ATG4C: variants seen among roughly 807,000 people sequenced by gnomAD.
The protein encoded by ATG4C is cysteine protease ATG4C.
Under a neutral mutation model 57.6 loss-of-function variants are expected in ATG4C, and 56 were observed. The observed-to-expected ratio is 0.97, with a 90% CI of 0.78 to 1.21. The LOEUF is 1.21. ATG4C is among the 50% of genes most tolerant of loss of function. The pLI, the probability that ATG4C is intolerant of heterozygous loss-of-function variation, is 0.00. For synonymous variants in ATG4C, 157 were observed against 174.1 expected (o/e 0.90, Z 0.78); for missense variants, 595 against 529.8 (o/e 1.12, Z -1.21).
chr1:62,795,084 T>C (rs1156607699), intron 1 of ATG4C, among the ~76,000 whole-genome samples: 1 of 152,238 alleles, frequency 6.6e-6, no homozygotes, highest in Non-Finnish European at 1.5e-5. Flanking sequence ...GGAAGATGCC[T>C]GAGCATTCGC....
chr1:62,800,202 A>G (rs1281241098), intron 1 of ATG4C, among the ~76,000 whole-genome samples: 1 of 152,136 alleles, frequency 6.6e-6, no homozygotes, highest in Non-Finnish European at 1.5e-5. Context: ...TCTTTCTTTC[A>G]GACTTAGAAA....
At chr1:62,853,238 T>C (rs1666573905) in intron 10 of ATG4C, among the ~76,000 whole-genome samples, 1 of 152,166 alleles carries the variant, frequency 6.6e-6, no homozygotes, top group African/African-American at 2.4e-5. Context: ...ATTTTTTTTT[T>C]CTCTGAGAGC....
chr1:62,810,154 C>G (rs926512123), intron 3 of ATG4C, among the ~76,000 whole-genome samples: 1 of 152,116 alleles, frequency 6.6e-6, no homozygotes, highest in African/African-American at 2.4e-5. Context: ...CAAGTATTCA[C>G]AAGAAGAGGA....
chr1:62,827,869 C>A (rs1344793877), intron 6 of ATG4C, among the ~76,000 whole-genome samples: 1 of 152,100 alleles, frequency 6.6e-6, no homozygotes, highest in African/African-American at 2.4e-5. Flanking sequence ...TTCATGAGTT[C>A]TAATCATTTA....
intron 10 of ATG4C, among the ~76,000 whole-genome samples, chr1:62,850,848 A>ATGTGTGTGTGTG (rs1318478422): frequency 2.7e-5 from 1 of 37,672 alleles, no homozygotes; most frequent in African/African-American, 1.1e-4. Context: ...ATGTGTGTGT[A>ATGTGTGTGTGTG]TGTATGTATA....
intron 3 of ATG4C, among the ~76,000 whole-genome samples, chr1:62,806,922 GC>G (rs1245134396): frequency 6.6e-6 from 1 of 152,182 alleles, no homozygotes; most frequent in East Asian, 1.9e-4. Context: ...GGCTAGCTTT[GC>G]CTTCTACATG....
chr1:62,793,624 A>G (rs1363547724), intron 1 of ATG4C, among the ~76,000 whole-genome samples: 103 of 150,430 alleles, frequency 6.8e-4, no homozygotes, highest in African/African-American at 2.4e-3. Flanking sequence ...AAAAAAACCA[A>G]AAAAACAAAC....
chr1:62,818,929 C>A, intron 4 of ATG4C, 76 bp from the exon 5 acceptor site: 3 of 1,184,546 alleles, frequency 2.5e-6, no homozygotes, highest in Non-Finnish European at 3.5e-6. Flanking sequence ...ACCTTAAATG[C>A]TACGTATTTA....
At chr1:62,803,613 C>G (rs1664755728) in intron 1 of ATG4C, 106 bp from the exon 2 acceptor site, 1 of 392,726 alleles carries the variant, frequency 2.5e-6, no homozygotes, top group East Asian at 3.9e-5. Context: ...TTGTTTTGTT[C>G]ATTTGCAGTT....
rs1031238298 is a variant in ATG4C, at chr1:62,784,175, T to C, written c.-167T>C. ...GCGCTGAGGTCGGAACGTCTGCGTG[T>C]GTGCGGGCTGGTTTTGTGGCGGCTG... On this transcript the variant is annotated 5_prime_UTR_variant, in exon 1 of 11. Transcript: ENST00000317868. 6.5e-6 allele frequency: 1 copy of C among 153,214 alleles called. No individual in the cohort carries two copies. The highest frequency in any genetic ancestry group is 2.4e-5 in the African/African-American group (1 of 41,470). The allele number at this position is 153,214 out of a possible 1,614,324, so 9.5% of individuals were successfully genotyped here.
intron 10 of ATG4C, among the ~76,000 whole-genome samples, chr1:62,860,313 C>T (rs1666812670): frequency 6.6e-6 from 1 of 152,172 alleles, no homozygotes; most frequent in Non-Finnish European, 1.5e-5. Flanking sequence ...AAAATGAGTA[C>T]ACTCTAAAAT....
intron 4 of ATG4C, among the ~76,000 whole-genome samples, 186 bp downstream of exon 4, chr1:62,816,994 T>C (rs1432224759): frequency 6.6e-6 from 1 of 152,246 alleles, no homozygotes; most frequent in Non-Finnish European, 1.5e-5. Flanking sequence ...CAGATATGAC[T>C]TATATGTAAA....
chr1:62,821,422 A>G (rs1393368335), intron 6 of ATG4C, among the ~76,000 whole-genome samples: 1 of 152,114 alleles, frequency 6.6e-6, no homozygotes, highest in East Asian at 1.9e-4. Context: ...AAATTCTCAA[A>G]GAATTTCAGC....
chr1:62,828,980 A>G, intron 6 of ATG4C, 60 bp from the exon 7 acceptor site: 1 of 1,487,720 alleles, frequency 6.7e-7, no homozygotes, highest in Non-Finnish European at 9.1e-7. Flanking sequence ...TTTGGGTAAA[A>G]ATATTTCTGA....
chr1:62,813,663 A>T (rs1665166276), intron 3 of ATG4C, among the ~76,000 whole-genome samples: 1 of 152,236 alleles, frequency 6.6e-6, no homozygotes, highest in African/African-American at 2.4e-5. Context: ...TAAATAGGCA[A>T]CCTATAGAAT....
chr1:62,856,298 A>G (rs1043479186), intron 10 of ATG4C, among the ~76,000 whole-genome samples: 3 of 152,212 alleles, frequency 2.0e-5, no homozygotes, highest in Admixed American at 6.5e-5. Flanking sequence ...ATCTAATGAT[A>G]GAAACTCTGC....
Position 62,864,238 on chromosome 1 carries a change from T to A in ATG4C, c.*79T>A. 8.7e-7 allele frequency: 1 copy of A among 1,152,054 alleles called. No individual in the cohort carries two copies. The highest frequency in any genetic ancestry group is 2.9e-5 in the Admixed American group (1 of 34,510). 71.4% of individuals were successfully genotyped at this position (1,152,054 alleles called of 1,614,324 possible). A position where few individuals can be genotyped will look rare whatever the true frequency, so the allele number is the denominator to read the frequency against. On this transcript the variant is annotated 3_prime_UTR_variant, in exon 11 of 11. Coordinates refer to ENST00000317868, the MANE Select transcript of ATG4C (RefSeq NM_032852.4). ...AAGAGAAACAAGTATATCTGAAATG[T>A]TTATTTTCACAAATATCTTAATTTT... is the stretch of plus-strand genomic sequence containing the variant.
At chr1:62,823,654 A>G (rs551718981) in intron 6 of ATG4C, among the ~76,000 whole-genome samples, 18 of 152,294 alleles carry the variant, frequency 1.2e-4, no homozygotes, top group African/African-American at 4.1e-4. Context: ...GAAGTCCTTT[A>G]TAATTTGTCC....
At chr1:62,810,304 A>G (rs7556456) in intron 3 of ATG4C, among the ~76,000 whole-genome samples, 5,921 of 152,314 alleles carry the variant, frequency 0.039, 394 homozygotes, top group African/African-American at 0.14. Flanking sequence ...GATGAGAGAC[A>G]TTAAATAATT....
Sources: allele counts gnomAD v4.1 joint callset (sites outside exome capture counted in the v4.1 genomes callset), GRCh38; gene constraint gnomAD v4.1.1; transcripts MANE v1.5; gene names NCBI Gene and HGNC (gene_info 2026-07-23, HGNC 2026-07-21).